The following RAD21 variants were observed in gnomAD, a reference collection of about 807,000 sequenced individuals.
The protein encoded by RAD21 is RAD21 cohesin complex component, also known as double-strand-break repair protein rad21 homolog.
Under a neutral mutation model 71.5 loss-of-function variants are expected in RAD21, and 18 were observed. The observed-to-expected ratio is 0.25, with a 90% CI of 0.17 to 0.37. RAD21 has a LOEUF of 0.37. Among genes scored for constraint, RAD21 ranks in the 10% least tolerant of loss-of-function variants. The pLI is 1.00. For missense variants in RAD21, 493 were observed against 769.1 expected, an observed-to-expected ratio of 0.64 and a Z score of 4.25; for synonymous variants, 248 against 254.0, an observed-to-expected ratio of 0.98 and a Z score of 0.22.
Position 116,852,562 on chromosome 8 carries a change from C to A in RAD21, c.1308G>T (p.Gln436His). The A allele has an allele frequency of 6.2e-7, 1 of 1,612,110 alleles. No homozygotes were observed. Among genetic ancestry groups the A allele is most frequent in the Non-Finnish European group, 8.5e-7 (1 of 1,179,188 alleles). ...AACAGAACAAACCGATAACATCACG[C>A]TGCTGATGCTGCTGTTGCTGGTCCT... is the stretch of plus-strand genomic sequence containing the variant. The part of the protein sequence containing the change: ...PREDQQQQHQ[Q>H]RDVIDEPIIE... The change falls in exon 10 of 14, where the codon CAG becomes CAT. Residue 436 changes from glutamine to histidine, a missense_variant. Physicochemically the swap from Gln to His is conservative, Grantham distance 24. This residue lies in a region of RAD21 where 225 missense variants were observed against 218.3 expected (regional missense o/e 1.03). Transcript: ENST00000297338.
rs1290913517 is a variant in RAD21 at position 116,852,591 on chromosome 8, T to C, written c.1279A>G (p.Arg427Gly). The C allele has an allele frequency of 6.2e-7, 1 of 1,613,596 alleles. No individual in the cohort carries two copies. The stretch of plus-strand genomic sequence containing the variant: ...TGATGCTGCTGTTGCTGGTCCTCTC[T>C]AGGAACCTCTGGATTTTCAAATTCT... ...LKEFENPEVP[R>G]EDQQQQHQQR... The change falls in exon 10 of 14, where the codon AGA (arginine) becomes GGA (glycine). Residue 427 changes from arginine to glycine, a missense_variant. By Grantham distance (125) the Arg-to-Gly change is moderately radical. Transcript: ENST00000297338.
chr8:116,849,854 G>A lies in RAD21; in HGVS notation c.1620+764C>T, dbSNP rs189771902. ...ACTATTATTAGAATTAAGAACAGAT[G>A]CTACTGAAAATTTATCCAATCCATA... On this transcript the variant is annotated intron_variant, in intron 12 of 13. Coordinates refer to ENST00000297338, the MANE Select transcript of RAD21 (RefSeq NM_006265.3). Among the ~76,000 whole-genome samples, 524 of 152,286 alleles carry A rather than the reference G, an allele frequency of 3.4e-3. 7 individuals are homozygous for A. Among genetic ancestry groups the A allele is most frequent in the Admixed American group, 0.032 (494 of 15,304 alleles).
At chr8:116,869,108 C>A (rs1346612180) in intron 1 of RAD21, among the ~76,000 whole-genome samples, 1 of 152,158 alleles carries the variant, frequency 6.6e-6, no homozygotes, top group Non-Finnish European at 1.5e-5. Flanking sequence ...AGGAAAAGTT[C>A]TTGCTCAATA....
rs1201682257 is a variant in RAD21, at chr8:116,871,271, CCCTGTGCAGAAAATCTGCATTTG to C, written c.-33+3317_-33+3339del. On this transcript the variant is annotated intron_variant, in intron 1 of 13. Transcript: ENST00000297338. ...TATTCTGCTAAATCCTTTATGAAAA[CCCTGTGCAGAAAATCTGCATTTG>C]ATACCAGAGCACAACTTAGCATTTC... 2.6e-5 allele frequency among the ~76,000 whole-genome samples: 4 copies of C among 152,090 alleles called. No homozygotes were observed. In the East Asian group the frequency reaches 7.7e-4, roughly 29 times the overall value.
intron 13 of RAD21, among the ~76,000 whole-genome samples, chr8:116,848,479 T>C (rs1383549712): frequency 6.6e-6 from 1 of 152,192 alleles, no homozygotes; most frequent in African/African-American, 2.4e-5. Context: ...TTGAGCAACT[T>C]GCTTGGCATT....
chr8:116,871,631 A>G (rs1487810404), intron 1 of RAD21, among the ~76,000 whole-genome samples: 17 of 152,222 alleles, frequency 1.1e-4, no homozygotes, highest in Admixed American at 1.1e-3. Context: ...TTCTAGCCAG[A>G]ACTTGCACTT....
intron 4 of RAD21, among the ~76,000 whole-genome samples, chr8:116,861,104 G>C (rs1242065360): frequency 6.6e-6 from 1 of 152,016 alleles, no homozygotes; most frequent in African/African-American, 2.4e-5. Flanking sequence ...GCTAGATAGA[G>C]CCTAGAACTA....
chr8:116,854,939 G>C (rs1285217267), intron 8 of RAD21, among the ~76,000 whole-genome samples: 1 of 152,094 alleles, frequency 6.6e-6, no homozygotes, highest in East Asian at 1.9e-4. Context: ...TTGATAGAAT[G>C]AAACAAGCCC....
intron 2 of RAD21, among the ~76,000 whole-genome samples, chr8:116,866,181 A>G (rs1812686864): frequency 6.6e-6 from 1 of 151,372 alleles, no homozygotes; most frequent in African/African-American, 2.4e-5. Flanking sequence ...TATAGCTGCA[A>G]TCATATAATA....
At chr8:116,869,224 G>C (rs1812758341) in intron 1 of RAD21, among the ~76,000 whole-genome samples, 1 of 151,966 alleles carries the variant, frequency 6.6e-6, no homozygotes, top group African/African-American at 2.4e-5. Flanking sequence ...CTAGAACTCA[G>C]ATATAGAATA....
intron 4 of RAD21, 140 bp from the exon 5 acceptor site, chr8:116,858,598 C>T (rs1183302790): frequency 1.7e-6 from 1 of 577,172 alleles, no homozygotes; most frequent in African/African-American, 1.9e-5. Flanking sequence ...TTAATACTTT[C>T]ACACATTCCA....
Position 116,856,217 on chromosome 8 carries a change from G to A in RAD21, c.886C>T (p.Leu296Phe), listed in dbSNP as rs2130466323. 1.3e-6 allele frequency: 2 copies of A among 1,590,588 alleles called. No individual in the cohort carries two copies. Among genetic ancestry groups the A allele is most frequent in the Non-Finnish European group, 1.7e-6 (2 of 1,167,348 alleles). Reference protein sequence around the residue: ...PMPTMTDQTTLVPNEEEAFAL... With the variant: ...PMPTMTDQTTFVPNEEEAFAL... Reference sequence around the variant, plus strand: ...AATGCTTCTTCCTCATTTGGAACAAGTGTTGTTTGATCAGTCATGGTTGGC... The same window carrying A: ...AATGCTTCTTCCTCATTTGGAACAAATGTTGTTTGATCAGTCATGGTTGGC... The change falls in exon 8 of 14, where the codon CTT becomes TTT. Residue 296 changes from leucine (L) to phenylalanine (F), a missense_variant. Around this residue, in one of 5 missense-constraint regions of RAD21, gnomAD observed 165 missense variants for 229.6 expected, o/e 0.72. Transcript: ENST00000297338.
rs1394205489 is a variant in RAD21, at chr8:116,866,568, T to C, written c.144+18A>G. ...AAACAATCAACAAAGTGAATAAAAA[T>C]GTCAACATCAAACATACCTTTGGTG... On this transcript the variant is annotated intron_variant, in intron 2 of 13. Transcript: ENST00000297338. The C allele has an allele frequency of 1.3e-6, 2 of 1,586,964 alleles. No individual in the cohort carries two copies. The highest frequency in any genetic ancestry group is 1.8e-5 in the Admixed American group (1 of 55,144).
In RAD21 at chr8:116,857,354, T is replaced by G; in HGVS notation, c.601A>C (p.Asn201His). The change falls in exon 6 of 14, where the codon AAT becomes CAT. Residue 201 changes from asparagine (N) to histidine (H), a missense_variant. Transcript: ENST00000297338. ...AAATGGTTAATTTTCTCATTCAGAT[T>G]GCTGGTGCTCTGTTCAGACTCTAAT... ...LLLESEQSTS[N>H]LNEKINHLEY... is the part of the protein sequence containing the mutation. 1 of 1,612,878 alleles carries G rather than the reference T, an allele frequency of 6.2e-7. No homozygotes were observed. Among genetic ancestry groups the G allele is most frequent in the Non-Finnish European group, 8.5e-7 (1 of 1,179,614 alleles).
At position 116,856,292 on chromosome 8, in the gene RAD21, TAAAAAAAAA is replaced by T. The variant is rs35902828; in HGVS notation, c.815-13_815-5del. ...TCAGGACTATCAGGCCCACCCACTG[TAAAAAAAAA>T]AAAAAAAAAAAAAAGTCACAAAAAG... On this transcript the variant is annotated splice_polypyrimidine_tract_variant and splice_region_variant and intron_variant, in intron 7 of 13. Transcript: ENST00000297338. 2 of 1,174,436 alleles carry T rather than the reference TAAAAAAAAA, an allele frequency of 1.7e-6. No individual in the cohort carries two copies. The highest frequency in any genetic ancestry group is 3.3e-5 in the East Asian group (1 of 29,954). 72.8% of individuals were successfully genotyped at this position (1,174,436 alleles called of 1,614,324 possible).
intron 11 of RAD21, 52 bp from the exon 12 acceptor site, chr8:116,850,819 T>A: frequency 7.9e-7 from 1 of 1,262,290 alleles, no homozygotes; most frequent in Non-Finnish European, 1.1e-6. Context: ...TAAAGTAGCT[T>A]ATTTTAAATA....
intron 13 of RAD21, 96 bp downstream of exon 13, chr8:116,848,850 T>C (rs1364296757): frequency 1.0e-5 from 9 of 874,348 alleles, no homozygotes; most frequent in Non-Finnish European, 1.5e-5. Context: ...GACAAAGGTA[T>C]GCTTTCTGTT....
intron 12 of RAD21, chr8:116,849,429 C>T (rs1812308112): frequency 5.9e-6 from 1 of 168,100 alleles, no homozygotes; most frequent in Admixed American, 6.4e-5. Flanking sequence ...AATATACATA[C>T]ATAAATATTG....
At chr8:116,856,022 C>T in intron 8 of RAD21, 144 bp downstream of exon 8, 1 of 802,180 alleles carries the variant, frequency 1.2e-6, no homozygotes, top group Non-Finnish European at 1.9e-6. Context: ...GCAACAGTAG[C>T]AGATCAGTAG....
Sources: gnomAD v4.1 joint callset for allele counts (sites outside exome capture counted in the v4.1 genomes callset) on GRCh38, gnomAD v4.1.1 for gene constraint, gnomAD v4.1.1 regional missense constraint, MANE v1.5 for transcripts, NCBI Gene and HGNC (gene_info 2026-07-23, HGNC 2026-07-21) for gene names.